Variants in LARP4 observed in about 807,000 individuals in gnomAD.
LARP4 encodes the protein La ribonucleoprotein 4, also known as la-related protein 4.
A neutral mutation model predicts 92.9 loss-of-function variants in LARP4; 29 were observed. The ratio of observed to expected loss-of-function variants is 0.31; its 90% CI spans 0.23 to 0.43. The LOEUF (loss-of-function observed/expected upper bound fraction) is 0.43, where lower values mean the gene tolerates loss of function less well. Among genes scored for constraint, LARP4 ranks in the 20% least tolerant of loss-of-function variants. The pLI, the probability that LARP4 is intolerant of heterozygous loss-of-function variation, is 1.00. For synonymous variants in LARP4, 279 were observed against 284.1 expected (o/e 0.98, Z 0.18); for missense variants, 732 against 860.0 (o/e 0.85, Z 1.86).
chr12:50,477,370 G>A lies in LARP4; in HGVS notation c.*1506G>A, dbSNP rs963524290. On this transcript the variant is annotated 3_prime_UTR_variant, in exon 16 of 16. Transcript: ENST00000398473. ...AGGTGGGTTTTATTTTTCTTTTAAG[G>A]GATAGTTTGTAATAGTAAGAACTGT... is the stretch of plus-strand genomic sequence containing the variant. 9.2e-5 allele frequency: 14 copies of A among 152,510 alleles called. No homozygotes were observed. The highest frequency in any genetic ancestry group is 3.4e-4 in the African/African-American group (14 of 41,494). The allele number at this position is 152,510 out of a possible 1,614,324, so 9.4% of individuals were successfully genotyped here.
chr12:50,419,465 C>G (rs540899173), intron 1 of LARP4, among the ~76,000 whole-genome samples: 1 of 152,296 alleles, frequency 6.6e-6, no homozygotes, highest in East Asian at 1.9e-4. Context: ...ATGATTCTAA[C>G]CACAGATCCT....
At chr12:50,440,355 T>G in intron 6 of LARP4, 84 bp from the exon 7 acceptor site, 1 of 937,012 alleles carries the variant, frequency 1.1e-6, no homozygotes, top group Non-Finnish European at 1.7e-6. Flanking sequence ...AAGATAGGCT[T>G]AACATTACTA....
chr12:50,451,104 A>G (rs577715136), intron 8 of LARP4, among the ~76,000 whole-genome samples: 2 of 152,304 alleles, frequency 1.3e-5, no homozygotes, highest in East Asian at 3.9e-4. Context: ...GCAAACATTT[A>G]AAGTCAGCAA....
rs1953823867 is a variant in LARP4, at chr12:50,454,298, A to C, written c.1018-16A>C. Reference sequence around the variant, plus strand: ...CCTTTGCCATTAATATTGTTTAAACATACATTTTTTTCTAGGCTCCCTTTC... The same window carrying C: ...CCTTTGCCATTAATATTGTTTAAACCTACATTTTTTTCTAGGCTCCCTTTC... On this transcript the variant is annotated splice_polypyrimidine_tract_variant and intron_variant, in intron 9 of 15. Coordinates refer to ENST00000398473, the MANE Select transcript of LARP4 (RefSeq NM_052879.5). 2 of 1,588,198 alleles carry C rather than the reference A, an allele frequency of 1.3e-6. No individual in the cohort carries two copies. Among genetic ancestry groups the C allele is most frequent in the Middle Eastern group, 1.7e-4 (1 of 6,002 alleles).
chr12:50,454,988 A>C (rs1953950946), intron 10 of LARP4: 1 of 152,250 alleles, frequency 6.6e-6, no homozygotes, highest in African/African-American at 2.4e-5. Context: ...ACAGATAAGG[A>C]ATCTGAGATG....
chr12:50,419,643 A>G (rs1445454460), intron 1 of LARP4, among the ~76,000 whole-genome samples: 4 of 152,214 alleles, frequency 2.6e-5, no homozygotes, highest in Non-Finnish European at 5.9e-5. Context: ...GTGGTGAGTC[A>G]TGCCTATAAT....
At chr12:50,404,179 A>G (rs976760344) in intron 1 of LARP4, among the ~76,000 whole-genome samples, 2 of 152,138 alleles carry the variant, frequency 1.3e-5, no homozygotes, top group African/African-American at 4.8e-5. Flanking sequence ...GTGAGCTGAG[A>G]TGGCACCACT....
At chr12:50,430,623 G>T in intron 4 of LARP4, 53 bp downstream of exon 4, 1 of 1,035,632 alleles carries the variant, frequency 9.7e-7, no homozygotes, top group Non-Finnish European at 1.5e-6. Flanking sequence ...AAATACGTGT[G>T]AAATAGAGCG....
chr12:50,421,643 AAAAT>A (rs144012967), intron 1 of LARP4, among the ~76,000 whole-genome samples: 2,928 of 147,906 alleles, frequency 0.02, 78 homozygotes, highest in African/African-American at 0.05. Context: ...ACTTCATCAC[AAAAT>A]AAATAAATAA....
chr12:50,407,023 C>T (rs1944969469), intron 1 of LARP4, among the ~76,000 whole-genome samples: 1 of 147,844 alleles, frequency 6.8e-6, no homozygotes, highest in African/African-American at 2.5e-5. Flanking sequence ...CCCATCTTAA[C>T]AGTTTTTTTG....
chr12:50,448,268 C>T (rs10783361), intron 8 of LARP4, among the ~76,000 whole-genome samples: 125,086 of 152,098 alleles, frequency 0.82, 54,521 homozygotes, highest in East Asian at 0.98. Context: ...CTTAACTGTT[C>T]TTAAGTGTAC....
intron 1 of LARP4, among the ~76,000 whole-genome samples, chr12:50,401,968 T>C (rs1275232571): frequency 6.6e-6 from 1 of 152,216 alleles, no homozygotes; most frequent in African/African-American, 2.4e-5. Context: ...TTCCAGATCA[T>C]ATTGTTCTTA....
chr12:50,461,185 G>T lies in LARP4; in HGVS notation c.1172G>T (p.Gly391Val). Residue 391 changes from glycine to valine, a missense_variant, in exon 11 of 16, where the codon GGC becomes GTC. Coordinates refer to ENST00000398473, the MANE Select transcript of LARP4 (RefSeq NM_052879.5). The part of the protein sequence containing the change: ...SSGGSEHSTE[G>V]SVSLGDGQLN... ...GGTGGTTCAGAACACTCAACAGAGG[G>T]CTCTGTATCCTTGGGGGATGGACAG... The T allele has an allele frequency of 1.2e-6, 2 of 1,614,078 alleles. No homozygotes were observed. The highest frequency in any genetic ancestry group is 2.2e-5 in the South Asian group (2 of 91,076).
At chr12:50,459,216 C>G (rs980097275) in intron 10 of LARP4, among the ~76,000 whole-genome samples, 2 of 152,126 alleles carry the variant, frequency 1.3e-5, no homozygotes, top group Non-Finnish European at 2.9e-5. Context: ...CCAGGCTGGT[C>G]TAGAACTCCT....
chr12:50,435,347 G>A (rs1950252590), intron 4 of LARP4, 141 bp from the exon 5 acceptor site: 1 of 609,136 alleles, frequency 1.6e-6, no homozygotes, highest in Non-Finnish European at 2.9e-6. Flanking sequence ...ACTTTTTAGA[G>A]TTCACTGAAA....
chr12:50,455,381 C>T (rs1593287560), intron 10 of LARP4, among the ~76,000 whole-genome samples: 1 of 152,092 alleles, frequency 6.6e-6, no homozygotes, highest in Non-Finnish European at 1.5e-5. Context: ...GTATGAGTAA[C>T]CAAAGAATAA....
intron 4 of LARP4, 32 bp from the exon 5 acceptor site, chr12:50,435,456 G>T (rs1009540908): frequency 5.6e-6 from 7 of 1,243,282 alleles, no homozygotes; most frequent in Non-Finnish European, 6.9e-6. Flanking sequence ...TTTAATAATT[G>T]CTTGTTTTAT....
At chr12:50,443,547 G>T (rs150771163) in intron 8 of LARP4, among the ~76,000 whole-genome samples, 2 of 152,110 alleles carry the variant, frequency 1.3e-5, no homozygotes, top group Non-Finnish European at 2.9e-5. Flanking sequence ...GATTACAGAT[G>T]TGAGCCACCA....
chr12:50,468,181 T>G (rs1010375512), intron 13 of LARP4, among the ~76,000 whole-genome samples: 1 of 152,102 alleles, frequency 6.6e-6, no homozygotes, highest in Admixed American at 6.5e-5. Context: ...GGTTTCTCCA[T>G]GTTGGCCAGG....
Sources: allele counts gnomAD v4.1 joint callset (sites outside exome capture counted in the v4.1 genomes callset), GRCh38; gene constraint gnomAD v4.1.1; transcripts MANE v1.5; gene names NCBI Gene and HGNC (gene_info 2026-07-23, HGNC 2026-07-21).